Variants in CAMK4 observed in about 807,000 individuals in gnomAD.
CAMK4 encodes the protein calcium/calmodulin dependent protein kinase IV.
Under a neutral mutation model 44.9 loss-of-function variants are expected in CAMK4, and 22 were observed. The observed-to-expected ratio is 0.49, with a 90% CI of 0.35 to 0.70. The LOEUF (loss-of-function observed/expected upper bound fraction) is 0.70. Ranked by LOEUF, CAMK4 falls within the 30% of genes least tolerant of loss-of-function variation. The pLI is 0.01. For missense variants in CAMK4, 498 were observed against 586.8 expected (o/e 0.85, Z 1.56); for synonymous variants, 218 against 215.4 (o/e 1.01, Z -0.11).
chr5:111,375,695 G>A (rs1042396691), intron 3 of CAMK4, among the ~76,000 whole-genome samples: 1 of 152,154 alleles, frequency 6.6e-6, no homozygotes, highest in Non-Finnish European at 1.5e-5. Context: ...TTTTCCATAT[G>A]TTGCAAGCAA....
intron 4 of CAMK4, among the ~76,000 whole-genome samples, chr5:111,385,112 A>T (rs987873480): frequency 1.5e-4 from 23 of 152,214 alleles, no homozygotes; most frequent in African/African-American, 5.1e-4. Context: ...ACAATATCAC[A>T]AATTTTTTTA....
At chr5:111,407,598 C>G (rs1189999823) in intron 5 of CAMK4, among the ~76,000 whole-genome samples, 1 of 152,020 alleles carries the variant, frequency 6.6e-6, no homozygotes, top group Non-Finnish European at 1.5e-5. Flanking sequence ...GATATTATCA[C>G]AATATCTTAA....
At chr5:111,455,859 T>G (rs1754395512) in intron 7 of CAMK4, among the ~76,000 whole-genome samples, 1 of 152,210 alleles carries the variant, frequency 6.6e-6, no homozygotes, top group African/African-American at 2.4e-5. Flanking sequence ...TGAAACCCTC[T>G]AAATCTCAGT....
chr5:111,328,293 T>C (rs1748991689), intron 1 of CAMK4, among the ~76,000 whole-genome samples: 1 of 151,832 alleles, frequency 6.6e-6, no homozygotes, highest in African/African-American at 2.4e-5. Flanking sequence ...CTTGTTTTTG[T>C]CAGGTTTGTC....
chr5:111,430,035 T>A (rs1378301964), intron 5 of CAMK4, among the ~76,000 whole-genome samples: 1 of 151,870 alleles, frequency 6.6e-6, no homozygotes, highest in Admixed American at 6.6e-5. Flanking sequence ...TACAGGCCAG[T>A]ATCTGTGATG....
In CAMK4 at chr5:111,226,060, C is replaced by T. The variant is rs139157349; in HGVS notation, c.161+1416C>T. 2.6e-5 allele frequency among the ~76,000 whole-genome samples: 4 copies of T among 152,258 alleles called. No individual in the cohort carries two copies. The East Asian group carries it at 7.7e-4, about 29-fold the overall frequency. ...AACCTCTGAGTAAAGGGATGATCTA[C>T]TTAAAATTGTTTACTGGGTGTTTTA... On this transcript the variant is annotated intron_variant, in intron 1 of 10. Transcript: ENST00000282356.
At chr5:111,475,190 A>G (rs1755194871) in intron 8 of CAMK4, among the ~76,000 whole-genome samples, 1 of 152,050 alleles carries the variant, frequency 6.6e-6, no homozygotes, top group East Asian at 1.9e-4. Flanking sequence ...AAAACAAAAG[A>G]AAAAGAAAAG....
intron 5 of CAMK4, among the ~76,000 whole-genome samples, chr5:111,405,953 T>C (rs1399098651): frequency 6.6e-6 from 1 of 152,040 alleles, no homozygotes; most frequent in Non-Finnish European, 1.5e-5. Context: ...ATATGAAGAG[T>C]TGGGTATAAT....
At chr5:111,286,579 G>A (rs1311575662) in intron 1 of CAMK4, among the ~76,000 whole-genome samples, 1 of 152,094 alleles carries the variant, frequency 6.6e-6, no homozygotes, top group East Asian at 1.9e-4. Flanking sequence ...TAAGTCTCAA[G>A]GGCAGGACTC....
intron 1 of CAMK4, among the ~76,000 whole-genome samples, chr5:111,340,628 G>A (rs1749601026): frequency 1.3e-5 from 2 of 151,186 alleles, no homozygotes; most frequent in South Asian, 4.1e-4. Context: ...ATTTTGTTGA[G>A]GATTTTTGTA....
intron 1 of CAMK4, among the ~76,000 whole-genome samples, chr5:111,332,227 C>A (rs1250110499): frequency 6.8e-5 from 5 of 73,248 alleles, no homozygotes. Context: ...CTATCCCTCC[C>A]CCCTCCCCCC....
intron 5 of CAMK4, among the ~76,000 whole-genome samples, chr5:111,426,933 GACTGCA>G (rs1335672708): frequency 6.6e-6 from 1 of 152,164 alleles, no homozygotes; most frequent in African/African-American, 2.4e-5. Context: ...AGGCCACAAG[GACTGCA>G]ACTCTTACAA....
At chr5:111,356,572 C>T (rs1381719292) in intron 2 of CAMK4, among the ~76,000 whole-genome samples, 2 of 152,214 alleles carry the variant, frequency 1.3e-5, no homozygotes, top group Admixed American at 6.5e-5. Flanking sequence ...ACATGAAGTC[C>T]TTGCCCATGC....
At chr5:111,390,482 C>G (rs1376777311) in intron 4 of CAMK4, among the ~76,000 whole-genome samples, 1 of 152,078 alleles carries the variant, frequency 6.6e-6, no homozygotes, top group African/African-American at 2.4e-5. Context: ...GTCACAATAT[C>G]TAAAGAAAAC....
intron 7 of CAMK4, among the ~76,000 whole-genome samples, chr5:111,461,398 G>A (rs1754637739): frequency 6.6e-6 from 1 of 152,138 alleles, no homozygotes; most frequent in African/African-American, 2.4e-5. Flanking sequence ...CTGAACTGGG[G>A]CATTATCTTT....
chr5:111,339,642 T>G (rs1174893407), intron 1 of CAMK4, among the ~76,000 whole-genome samples: 1 of 151,568 alleles, frequency 6.6e-6, no homozygotes, highest in African/African-American at 2.4e-5. Flanking sequence ...TGTAGTAGAT[T>G]TTGAAATCAG....
chr5:111,298,705 G>A (rs760727372), intron 1 of CAMK4, among the ~76,000 whole-genome samples: 5 of 152,170 alleles, frequency 3.3e-5, no homozygotes, highest in Admixed American at 6.5e-5. Context: ...AGAGCACACC[G>A]CTCGGGCTCT....
In CAMK4 at chr5:111,285,085, C is replaced by G. The variant is rs78931034; in HGVS notation, c.162-58939C>G. On this transcript the variant is annotated intron_variant, in intron 1 of 10. Transcript: ENST00000282356. ...ACTAAAATAAGAACTATATCACATA[C>G]TGTTCTTTTGGCTGGAGCATAAAAA... Among the ~76,000 whole-genome samples, 282 of 152,302 alleles carry G rather than the reference C, an allele frequency of 1.9e-3. 5 individuals carry two copies. The East Asian group carries it at 0.033, about 18-fold the overall frequency.
At chr5:111,422,274 TCTTTATA>T (rs1412533806) in intron 5 of CAMK4, among the ~76,000 whole-genome samples, 1 of 152,246 alleles carries the variant, frequency 6.6e-6, no homozygotes, top group Non-Finnish European at 1.5e-5. Flanking sequence ...AAGAATGCCT[TCTTTATA>T]CTTGAAGTTC....
Sources: allele counts gnomAD v4.1 joint callset (sites outside exome capture counted in the v4.1 genomes callset), GRCh38; gene constraint gnomAD v4.1.1; transcripts MANE v1.5; gene names NCBI Gene and HGNC (gene_info 2026-07-23, HGNC 2026-07-21).